The following FAM222A variants were observed in gnomAD, a reference collection of about 807,000 sequenced individuals.
The protein encoded by FAM222A is family with sequence similarity 222 member A, also known as protein FAM222A.
In FAM222A, 7 loss-of-function variants were observed where a neutral mutation model predicts 25.8. That is an observed-to-expected ratio of 0.27 (90% confidence interval 0.15 to 0.51). The LOEUF is 0.51. Ranked by LOEUF, FAM222A falls within the 20% of genes least tolerant of loss-of-function variation. The pLI is 0.97. For missense variants in FAM222A, 573 were observed against 640.5 expected (o/e 0.89, Z 1.14); for synonymous variants, 294 against 298.8 (o/e 0.98, Z 0.17).
intron 2 of FAM222A, among the ~76,000 whole-genome samples, chr12:109,757,694 C>T (rs984476281): frequency 6.6e-6 from 1 of 151,670 alleles, no homozygotes; most frequent in Non-Finnish European, 1.5e-5. Context: ...GGACCAGTGT[C>T]CAGAATAGAG....
In FAM222A at chr12:109,768,914, C is replaced by T; in HGVS notation, c.985C>T (p.Leu329Phe). Residue 329 changes from leucine to phenylalanine, a missense_variant, in exon 3 of 3, where the codon CTC (leucine) becomes TTC (phenylalanine). Physicochemically the swap from Leu to Phe is conservative, Grantham distance 22 (BLOSUM62 0). Around this residue, in one of 3 missense-constraint regions of FAM222A, gnomAD observed 412 missense variants for 407.0 expected, o/e 1.01. Transcript: ENST00000538780. ...ATACGAGCGGGCCAGCGGGTCACCC[C>T]TCAACTGTGGCGTGGGGCTGCCCAC... ...RAYERASGSP[L>F]NCGVGLPTSF... 1 of 1,582,010 alleles carries T rather than the reference C, an allele frequency of 6.3e-7. No individual in the cohort carries two copies. Among genetic ancestry groups the T allele is most frequent in the Non-Finnish European group, 8.5e-7 (1 of 1,171,636 alleles).
intron 1 of FAM222A, among the ~76,000 whole-genome samples, chr12:109,732,274 G>A (rs148403327): frequency 1.3e-5 from 2 of 152,364 alleles, no homozygotes; most frequent in Admixed American, 1.3e-4. Context: ...TCATCTTTTA[G>A]TATTTGGAAA....
chr12:109,749,321 G>A (rs1888494342), intron 2 of FAM222A, among the ~76,000 whole-genome samples: 1 of 152,144 alleles, frequency 6.6e-6, no homozygotes, highest in South Asian at 2.1e-4. Context: ...AGTCAGGCTG[G>A]TCTCAAACTC....
At chr12:109,730,347 A>C (rs1297522558) in intron 1 of FAM222A, among the ~76,000 whole-genome samples, 1 of 144,372 alleles carries the variant, frequency 6.9e-6, no homozygotes, top group Non-Finnish European at 1.5e-5. Flanking sequence ...GGAGGTGAGG[A>C]AGATTCTGCA....
At chr12:109,763,475 C>T (rs1888955995) in intron 2 of FAM222A, among the ~76,000 whole-genome samples, 1 of 152,222 alleles carries the variant, frequency 6.6e-6, no homozygotes, top group South Asian at 2.1e-4. Flanking sequence ...CAGGGCTGCA[C>T]TCTCATCCAA....
chr12:109,727,396 C>A (rs1020781880), intron 1 of FAM222A, among the ~76,000 whole-genome samples: 1 of 152,178 alleles, frequency 6.6e-6, no homozygotes, highest in Admixed American at 6.5e-5. Context: ...TTGGCCGACA[C>A]CTCCAGGGGA....
chr12:109,769,199 C>T lies in FAM222A; in HGVS notation c.1270C>T (p.Gln424Ter). The change falls in exon 3 of 3, where the codon CAG becomes TAG. Residue 424 changes from glutamine to a stop codon, truncating the protein, a stop_gained. Transcript: ENST00000538780. LOFTEE classifies it high-confidence loss of function. ...NDIRPPCIKE[Q>*]MLGKGYETVA... ...CATCCGGCCGCCCTGCATCAAGGAG[C>T]AGATGCTGGGCAAGGGCTATGAGAC... 1 of 1,612,324 alleles carries T rather than the reference C, an allele frequency of 6.2e-7. No individual in the cohort carries two copies. Among genetic ancestry groups the T allele is most frequent in the Non-Finnish European group, 8.5e-7 (1 of 1,179,734 alleles).
In FAM222A at chr12:109,753,768, C is replaced by T. The variant is rs560741350; in HGVS notation, c.82+9540C>T. On this transcript the variant is annotated intron_variant, in intron 2 of 2. Coordinates refer to ENST00000538780, the MANE Select transcript of FAM222A (RefSeq NM_032829.3). ...GGCTGGAGCTACTGCCTAAGTGAAC[C>T]GCTGCCCACCAGCATTCCTGCAGGT... is the stretch of plus-strand genomic sequence containing the variant. Among the ~76,000 whole-genome samples the T allele has an allele frequency of 4.0e-4, 61 of 150,854 alleles. No individual in the cohort carries two copies. In the Middle Eastern group the frequency reaches 0.01, roughly 25 times the overall value.
intron 2 of FAM222A, among the ~76,000 whole-genome samples, chr12:109,751,079 A>G (rs1284538315): frequency 6.6e-6 from 1 of 152,114 alleles, no homozygotes; most frequent in East Asian, 1.9e-4. Context: ...CATATTGGCT[A>G]TCTTTCACCT....
intron 2 of FAM222A, among the ~76,000 whole-genome samples, chr12:109,756,409 T>G (rs1253443517): frequency 8.4e-6 from 1 of 119,686 alleles, no homozygotes; most frequent in Admixed American, 8.4e-5. Context: ...TTTTTTTTTT[T>G]GTCTAATTGC....
chr12:109,764,667 A>G (rs906966950), intron 2 of FAM222A, among the ~76,000 whole-genome samples: 1 of 152,220 alleles, frequency 6.6e-6, no homozygotes, highest in East Asian at 1.9e-4. Flanking sequence ...TGCTGACTCC[A>G]GTAGGTTACC....
At chr12:109,741,313 C>T (rs1888235613) in intron 1 of FAM222A, among the ~76,000 whole-genome samples, 1 of 152,186 alleles carries the variant, frequency 6.6e-6, no homozygotes, top group African/African-American at 2.4e-5. Context: ...CTCAGGCTGC[C>T]TGTAGCCCTC....
rs370934435 is a variant in FAM222A at position 109,768,575 on chromosome 12, G to T, written c.646G>T (p.Ala216Ser). ...CCAGCAGTGCCAGGCCCCGGGCGCC[G>T]CACCCCCTGCCTGCCAGGGCATGGC... ...LNQQCQAPGA[A>S]PPACQGMAIP... is the part of the protein sequence containing the mutation. The change falls in exon 3 of 3, where the codon GCA becomes TCA. Residue 216 changes from alanine (A) to serine (S), a missense_variant. Ala to Ser is a moderately conservative substitution (Grantham distance 99). Coordinates refer to ENST00000538780, the MANE Select transcript of FAM222A (RefSeq NM_032829.3). 4 of 1,600,852 alleles carry T rather than the reference G, an allele frequency of 2.5e-6. No homozygotes were observed. The South Asian group carries it at 4.4e-5, about 18-fold the overall frequency.
At chr12:109,721,125 T>G (rs1887737678) in intron 1 of FAM222A, among the ~76,000 whole-genome samples, 1 of 151,926 alleles carries the variant, frequency 6.6e-6, no homozygotes, top group African/African-American at 2.4e-5. Context: ...TGAAGGGTGT[T>G]TTTATCCCTG....
chr12:109,722,050 CAG>C (rs1257835645), intron 1 of FAM222A, among the ~76,000 whole-genome samples: 2 of 151,870 alleles, frequency 1.3e-5, no homozygotes, highest in Non-Finnish European at 2.9e-5. Context: ...GGCAGGCAGA[CAG>C]GGGAGCCCTC....
At chr12:109,736,110 TG>T (rs937169527) in intron 1 of FAM222A, among the ~76,000 whole-genome samples, 1 of 152,136 alleles carries the variant, frequency 6.6e-6, no homozygotes, top group Non-Finnish European at 1.5e-5. Context: ...GCTCTGAGGT[TG>T]GGGGGGTCCC....
intron 1 of FAM222A, among the ~76,000 whole-genome samples, chr12:109,725,427 T>TTTCC (rs1555288243): frequency 7.9e-6 from 1 of 127,242 alleles, no homozygotes; most frequent in African/African-American, 3.0e-5. Context: ...CTCTTCTCCC[T>TTTCC]CTCCCTCCCC....
intron 1 of FAM222A, among the ~76,000 whole-genome samples, chr12:109,718,945 A>T (rs1887699666): frequency 1.3e-5 from 2 of 152,154 alleles, no homozygotes; most frequent in Non-Finnish European, 1.5e-5. Flanking sequence ...ATATCTGAGT[A>T]CCTACTGCAT....
chr12:109,720,750 G>C (rs1411953262), intron 1 of FAM222A, among the ~76,000 whole-genome samples: 2 of 152,236 alleles, frequency 1.3e-5, no homozygotes, highest in African/African-American at 4.8e-5. Context: ...AAGGTGGTGT[G>C]TACCTACCGA....
Sources: gnomAD v4.1 joint callset for allele counts (sites outside exome capture counted in the v4.1 genomes callset) on GRCh38, gnomAD v4.1.1 for gene constraint, gnomAD v4.1.1 regional missense constraint, MANE v1.5 for transcripts, NCBI Gene and HGNC (gene_info 2026-07-23, HGNC 2026-07-21) for gene names.